Variants in SPA17 observed in about 807,000 individuals in gnomAD.
SPA17 encodes the protein sperm surface protein Sp17.
A neutral mutation model predicts 13.8 loss-of-function variants in SPA17; 7 were observed. The observed-to-expected ratio is 0.51, with a 90% CI of 0.29 to 0.95. The LOEUF (loss-of-function observed/expected upper bound fraction) is 0.95, where lower values mean the gene tolerates loss of function less well. Among genes scored for constraint, SPA17 ranks in the 40% least tolerant of loss-of-function variants. The probability of loss-of-function intolerance (pLI) is 0.08; values close to 1 mark genes in which losing one functional copy is unlikely to be tolerated. For synonymous variants in SPA17, 61 were observed against 59.0 expected, an observed-to-expected ratio of 1.03 and a Z score of -0.16; for missense variants, 170 against 179.3, an observed-to-expected ratio of 0.95 and a Z score of 0.30.
chr11:124,675,499 C>T, intron 2 of SPA17, 81 bp downstream of exon 2: 1 of 1,484,456 alleles, frequency 6.7e-7, no homozygotes, highest in Non-Finnish European at 9.1e-7. Flanking sequence ...AGACCATCTC[C>T]ATTCTGCAGA....
At position 124,695,551 on chromosome 11, in the gene SPA17, C is replaced by G. The variant is rs761737457; in HGVS notation, c.*1105C>G. The G allele has an allele frequency of 3.3e-5, 5 of 152,332 alleles. No homozygotes were observed. The highest frequency in any genetic ancestry group is 7.3e-5 in the Non-Finnish European group (5 of 68,044). The allele number at this position is 152,332 out of a possible 1,614,324, so 9.4% of individuals were successfully genotyped here. A position where few individuals can be genotyped will look rare whatever the true frequency, so the allele number is the denominator to read the frequency against. On this transcript the variant is annotated 3_prime_UTR_variant, in exon 5 of 5. Transcript: ENST00000227135. ...TGTCCAAGAAACTGAGGGTTCATGT[C>G]TTAGACCAAAGGGTGCAGTTCTCTT...
intron 2 of SPA17, among the ~76,000 whole-genome samples, chr11:124,679,795 G>A (rs1233546008): frequency 1.3e-5 from 2 of 152,190 alleles, no homozygotes; most frequent in Non-Finnish European, 2.9e-5. Flanking sequence ...TACTAGAGGT[G>A]TTTCCAAAGG....
chr11:124,694,613 A>G lies in SPA17; in HGVS notation c.*167A>G. 1.2e-5 allele frequency: 10 copies of G among 841,666 alleles called. No individual in the cohort carries two copies. In the East Asian group the frequency reaches 2.6e-4, roughly 22 times the overall value. The allele number at this position is 841,666 out of a possible 1,614,324, so 52.1% of individuals were successfully genotyped here. A position where few individuals can be genotyped will look rare whatever the true frequency, so the allele number is the denominator to read the frequency against. On this transcript the variant is annotated 3_prime_UTR_variant, in exon 5 of 5. Transcript: ENST00000227135. ...TTTGTTTAATAAGCATACCATTGAA[A>G]CATGCCACTTGAAGATTTCTCTGAG...
chr11:124,675,594 T>C, intron 2 of SPA17, 176 bp downstream of exon 2: 1 of 597,986 alleles, frequency 1.7e-6, no homozygotes, highest in South Asian at 2.4e-5. Flanking sequence ...TCTCTTAAAT[T>C]CGTTTCATAT....
chr11:124,681,403 C>A lies in SPA17; in HGVS notation c.169C>A (p.Pro57Thr). 1 of 1,572,802 alleles carries A rather than the reference C, an allele frequency of 6.4e-7. No individual in the cohort carries two copies. Residue 57 changes from proline to threonine, a missense_variant, in exon 3 of 5, where the codon CCA becomes ACA. Coordinates refer to ENST00000227135, the MANE Select transcript of SPA17 (RefSeq NM_017425.4). ...TTATTATTTAGAAACCAACTTTGAT[C>A]CAGCAGAATGGGGGAGTAAGGTAGA... Reference protein sequence around the residue: ...LEKREKTNFDPAEWGSKVEDR... With the variant: ...LEKREKTNFDTAEWGSKVEDR...
At chr11:124,688,177 T>C (rs560907679) in intron 3 of SPA17, among the ~76,000 whole-genome samples, 1 of 152,326 alleles carries the variant, frequency 6.6e-6, no homozygotes, top group South Asian at 2.1e-4. Flanking sequence ...CCACACTGAA[T>C]AATGTTTTTG....
chr11:124,685,008 C>G (rs1046987038), intron 3 of SPA17, among the ~76,000 whole-genome samples: 1 of 152,182 alleles, frequency 6.6e-6, no homozygotes, highest in African/African-American at 2.4e-5. Context: ...AAAGAAAACC[C>G]CATTTTCTGG....
At chr11:124,684,432 T>C (rs1284060495) in intron 3 of SPA17, among the ~76,000 whole-genome samples, 1 of 152,156 alleles carries the variant, frequency 6.6e-6, no homozygotes, top group Admixed American at 6.5e-5. Context: ...CAGCTAATTT[T>C]TGTATTTTGT....
At chr11:124,681,920 G>C (rs942011318) in intron 3 of SPA17, among the ~76,000 whole-genome samples, 5 of 152,098 alleles carry the variant, frequency 3.3e-5, no homozygotes, top group African/African-American at 1.2e-4. Context: ...AACACTATTA[G>C]TCCAATTATT....
rs1013049330 is a variant in SPA17 at position 124,675,110 on chromosome 11, G to A, written c.-27-128G>A. ...TCTTTGGAAGAAATGGATGGGCTTG[G>A]GTTGTGTTAGGGAAAAAAGAATTCA... is the stretch of plus-strand genomic sequence containing the variant. On this transcript the variant is annotated intron_variant, in intron 1 of 4. Transcript: ENST00000227135. 4 of 880,238 alleles carry A rather than the reference G, an allele frequency of 4.5e-6. No homozygotes were observed. In the African/African-American group the frequency reaches 5.1e-5, roughly 11 times the overall value. 54.5% of individuals were successfully genotyped at this position (880,238 alleles called of 1,614,324 possible).
chr11:124,674,291 T>A (rs1943427524), intron 1 of SPA17: 1 of 152,224 alleles, frequency 6.6e-6, no homozygotes, highest in Admixed American at 6.5e-5. Context: ...TAATCCCAAT[T>A]GCTCGGGAGG....
Position 124,697,190 on chromosome 11 carries a change from A to G in SPA17, c.*2744A>G, listed in dbSNP as rs1236090515. 6.6e-6 allele frequency: 1 copy of G among 152,254 alleles called. No homozygotes were observed. The allele number at this position is 152,254 out of a possible 1,614,324, so 9.4% of individuals were successfully genotyped here. The stretch of plus-strand genomic sequence containing the variant: ...TATATTGGCCAGTGATTATCTCACT[A>G]CTACTGCACAACCCATTCCAAAGTT... On this transcript the variant is annotated 3_prime_UTR_variant, in exon 5 of 5. Coordinates refer to ENST00000227135, the MANE Select transcript of SPA17 (RefSeq NM_017425.4).
At chr11:124,693,672 A>G (rs1309622069) in intron 4 of SPA17, among the ~76,000 whole-genome samples, 2 of 152,160 alleles carry the variant, frequency 1.3e-5, no homozygotes, top group African/African-American at 2.4e-5. Flanking sequence ...ATTTTAAAAG[A>G]TATATTAAAA....
At chr11:124,691,950 C>T (rs1943626803) in intron 4 of SPA17, among the ~76,000 whole-genome samples, 168 bp downstream of exon 4, 1 of 152,128 alleles carries the variant, frequency 6.6e-6, no homozygotes, top group South Asian at 2.1e-4. Flanking sequence ...AATTTTCAGC[C>T]ATGCCTCTCT....
chr11:124,693,469 T>C (rs1238275426), intron 4 of SPA17, among the ~76,000 whole-genome samples: 3 of 150,514 alleles, frequency 2.0e-5, no homozygotes, highest in Non-Finnish European at 4.4e-5. Context: ...ATGATCTCAT[T>C]TTTAAAATAA....
intron 2 of SPA17, among the ~76,000 whole-genome samples, chr11:124,677,071 C>T (rs1332762014): frequency 6.6e-6 from 1 of 152,142 alleles, no homozygotes; most frequent in South Asian, 2.1e-4. Flanking sequence ...GTTACTGGAT[C>T]ACAATAATTA....
intron 3 of SPA17, among the ~76,000 whole-genome samples, chr11:124,686,755 A>T (rs1406910394): frequency 3.3e-5 from 5 of 152,216 alleles, no homozygotes; most frequent in Non-Finnish European, 7.4e-5. Flanking sequence ...ACAAATGAAA[A>T]CTGGAAACAC....
In SPA17 at chr11:124,675,418, A is replaced by C. The variant is rs1943449775; in HGVS notation, c.154A>C (p.Lys52Gln). Residue 52 changes from lysine (K) to glutamine (Q), a missense_variant and splice_region_variant, in exon 2 of 5, where the codon AAA becomes CAA. Transcript: ENST00000227135. The stretch of plus-strand genomic sequence containing the variant: ...TGAGAGCCTTCTAGAGAAAAGAGAG[A>C]GTAAGCTTTCTAAAATTAGTCATTT... The part of the protein sequence containing the change: ...YFESLLEKRE[K>Q]TNFDPAEWGS... 13 of 1,601,482 alleles carry C rather than the reference A, an allele frequency of 8.1e-6. No individual in the cohort carries two copies. The Admixed American group carries it at 2.0e-4, about 24-fold the overall frequency.
intron 2 of SPA17, 139 bp downstream of exon 2, chr11:124,675,557 G>A (rs751570405): frequency 1.2e-6 from 1 of 830,244 alleles, no homozygotes. Context: ...CTTGCTCTTT[G>A]AAACAGTATG....
Sources: gnomAD v4.1 joint callset for allele counts (sites outside exome capture counted in the v4.1 genomes callset) on GRCh38, gnomAD v4.1.1 for gene constraint, MANE v1.5 for transcripts, NCBI Gene and HGNC (gene_info 2026-07-23, HGNC 2026-07-21) for gene names.